Variants in FOXP2 observed in about 807,000 individuals in gnomAD.
FOXP2 encodes forkhead box P2, also known as forkhead box protein P2.
A neutral mutation model predicts 115.8 loss-of-function variants in FOXP2; 12 were observed. That is an observed-to-expected ratio of 0.10 (90% CI 0.07 to 0.17). The LOEUF is 0.17. Ranked by LOEUF, FOXP2 falls within the 10% of genes least tolerant of loss-of-function variation. FOXP2 has a pLI of 1.00. For missense variants in FOXP2, 629 were observed against 843.5 expected (o/e 0.75, Z 3.15); for synonymous variants, 328 against 297.7 (o/e 1.10, Z -1.05).
In FOXP2 at chr7:114,691,949, A is replaced by G. The variant is rs1258717331; in HGVS notation, c.*2023A>G. ...CTCTGCAAAAAAAAAAAAAGAAAAA[A>G]AAAAAAAGAAAAACATTAGAACAAT... is the stretch of plus-strand genomic sequence containing the variant. On this transcript the variant is annotated 3_prime_UTR_variant, in exon 17 of 17. Transcript: ENST00000350908. 4.8e-5 allele frequency: 20 copies of G among 419,100 alleles called. No individual in the cohort carries two copies. Among genetic ancestry groups the G allele is most frequent in the Non-Finnish European group, 7.3e-5 (16 of 218,314 alleles). 26.0% of individuals were successfully genotyped at this position (419,100 alleles called of 1,614,324 possible).
chr7:114,661,296 A>G (rs1806847033), intron 13 of FOXP2, among the ~76,000 whole-genome samples: 2 of 152,082 alleles, frequency 1.3e-5, no homozygotes, highest in Non-Finnish European at 2.9e-5. Flanking sequence ...CTGTATATTT[A>G]TTATAGCTAA....
chr7:114,240,054 T>C (rs1034658826), intron 1 of FOXP2, among the ~76,000 whole-genome samples: 43 of 152,284 alleles, frequency 2.8e-4, no homozygotes, highest in South Asian at 4.1e-4. Context: ...TTTAGTTTTT[T>C]CCCCACACTC....
intron 1 of FOXP2, among the ~76,000 whole-genome samples, chr7:114,090,617 AAC>A (rs1336753285): frequency 6.6e-6 from 1 of 151,902 alleles, no homozygotes; most frequent in Non-Finnish European, 1.5e-5. Context: ...CTTTAAAAAA[AAC>A]ATATTCCAGT....
intron 1 of FOXP2, among the ~76,000 whole-genome samples, chr7:114,265,641 A>C (rs1795877267): frequency 6.6e-6 from 1 of 150,514 alleles, no homozygotes; most frequent in Non-Finnish European, 1.5e-5. Context: ...CCAACCACAC[A>C]TTTCCCCTTG....
intron 2 of FOXP2, among the ~76,000 whole-genome samples, chr7:114,332,468 A>G (rs964408542): frequency 1.3e-5 from 2 of 152,176 alleles, no homozygotes; most frequent in Middle Eastern, 3.2e-3. Flanking sequence ...AGACAAAACT[A>G]TATAATATAT....
intron 2 of FOXP2, among the ~76,000 whole-genome samples, chr7:114,492,708 G>T (rs1386379159): frequency 1.3e-5 from 2 of 152,094 alleles, no homozygotes; most frequent in Admixed American, 1.3e-4. Context: ...CAGTTTCCAT[G>T]CAGTTGAGCA....
chr7:114,421,504 A>G (rs528052839), intron 1 of FOXP2, among the ~76,000 whole-genome samples: 2 of 151,776 alleles, frequency 1.3e-5, no homozygotes, highest in Non-Finnish European at 3.0e-5. Flanking sequence ...AATTTTTACT[A>G]AAGTGTTTTT....
intron 1 of FOXP2, among the ~76,000 whole-genome samples, chr7:114,212,209 G>C (rs965440614): frequency 6.6e-6 from 1 of 151,284 alleles, no homozygotes; most frequent in African/African-American, 2.4e-5. Flanking sequence ...TTTTTATATT[G>C]TTTTCCTATC....
intron 2 of FOXP2, among the ~76,000 whole-genome samples, chr7:114,304,985 T>C (rs1355859683): frequency 3.9e-5 from 6 of 152,176 alleles, no homozygotes; most frequent in African/African-American, 9.6e-5. Context: ...AAATATTTTA[T>C]AAAATTTTTA....
Position 114,664,481 on chromosome 7 carries a change from A to C in FOXP2, c.2003+45A>C, listed in dbSNP as rs772595699. On this transcript the variant is annotated intron_variant, in intron 16 of 16. Coordinates refer to ENST00000350908, the MANE Select transcript of FOXP2 (RefSeq NM_014491.4). ...TCTCTAAAGGGAAGAATCTATATTAATATGCTTCTTAAATTTAGAATTTTT... is the reference window on the plus strand; with the variant it reads ...TCTCTAAAGGGAAGAATCTATATTACTATGCTTCTTAAATTTAGAATTTTT... The C allele has an allele frequency of 3.7e-6, 6 of 1,606,434 alleles. No individual in the cohort carries two copies. The Admixed American group carries it at 1.0e-4, about 27-fold the overall frequency.
intron 3 of FOXP2, chr7:114,561,352 A>G (rs1023572862): frequency 1.1e-4 from 17 of 152,196 alleles, no homozygotes; most frequent in African/African-American, 4.1e-4. Flanking sequence ...ACTCAAGACA[A>G]TAGAAAACTA....
chr7:114,345,609 T>G (rs779855450), intron 2 of FOXP2, among the ~76,000 whole-genome samples: 49 of 151,798 alleles, frequency 3.2e-4, no homozygotes, highest in Non-Finnish European at 5.9e-5. Context: ...AAATCTATAC[T>G]TTATATGATC....
At chr7:114,570,260 T>C (rs1026113262) in intron 3 of FOXP2, among the ~76,000 whole-genome samples, 1 of 151,896 alleles carries the variant, frequency 6.6e-6, no homozygotes, top group African/African-American at 2.4e-5. Flanking sequence ...TAGTCTTAGA[T>C]ACATTTTAGT....
chr7:114,451,774 T>A (rs992044571), intron 2 of FOXP2, among the ~76,000 whole-genome samples: 1 of 151,968 alleles, frequency 6.6e-6, no homozygotes, highest in Non-Finnish European at 1.5e-5. Flanking sequence ...AATAATAAGA[T>A]GTTATGAGAA....
In FOXP2 at chr7:114,671,281, C is replaced by T. The variant is rs548427727; in HGVS notation, c.2003+6845C>T. On this transcript the variant is annotated intron_variant, in intron 16 of 16. Coordinates refer to ENST00000350908, the MANE Select transcript of FOXP2 (RefSeq NM_014491.4). ...CAGTCCCCATATGTGGCACTTACAACTCATTCCAGTTCCTCTTAATAAAAA... is the reference window on the plus strand; with the variant it reads ...CAGTCCCCATATGTGGCACTTACAATTCATTCCAGTTCCTCTTAATAAAAA... Among the ~76,000 whole-genome samples the T allele has an allele frequency of 1.1e-4, 16 of 152,094 alleles. No individual in the cohort carries two copies. In the East Asian group the frequency reaches 1.9e-3, roughly 18 times the overall value.
intron 2 of FOXP2, among the ~76,000 whole-genome samples, chr7:114,306,723 A>C (rs570732083): frequency 2.0e-5 from 3 of 152,314 alleles, no homozygotes; most frequent in Admixed American, 6.5e-5. Flanking sequence ...ACTGGTCTAA[A>C]GTAAAGGTGT....
At chr7:114,394,912 A>G (rs1792701598) in intron 2 of FOXP2, among the ~76,000 whole-genome samples, 1 of 152,188 alleles carries the variant, frequency 6.6e-6, no homozygotes, top group Non-Finnish European at 1.5e-5. Flanking sequence ...ACAAGTGACT[A>G]AACTTGAAAG....
At chr7:114,311,982 C>A (rs988675345) in intron 2 of FOXP2, among the ~76,000 whole-genome samples, 2 of 152,064 alleles carry the variant, frequency 1.3e-5, no homozygotes, top group African/African-American at 4.8e-5. Flanking sequence ...ATTCTCCTTA[C>A]CAGCCAAGCT....
intron 2 of FOXP2, chr7:114,288,244 T>C (rs911376532): frequency 2.6e-6 from 1 of 379,288 alleles, no homozygotes; most frequent in Non-Finnish European, 5.2e-6. Flanking sequence ...CAGCGGACAA[T>C]TGAGACATGT....
Sources: allele counts gnomAD v4.1 joint callset (sites outside exome capture counted in the v4.1 genomes callset), GRCh38; gene constraint gnomAD v4.1.1; transcripts MANE v1.5; gene names NCBI Gene and HGNC (gene_info 2026-07-23, HGNC 2026-07-21).